INTS2: variants seen among roughly 807,000 people sequenced by gnomAD.
INTS2 encodes the protein integrator complex subunit 2.
INTS2 carries 57 observed loss-of-function variants against 139.6 expected under a neutral mutation model. The ratio of observed to expected loss-of-function variants is 0.41; its 90% CI spans 0.33 to 0.51. The LOEUF (loss-of-function observed/expected upper bound fraction) is 0.51. INTS2 is among the 20% of genes least tolerant of loss of function. The probability of loss-of-function intolerance (pLI) is 0.28; values close to 1 mark genes in which losing one functional copy is unlikely to be tolerated. For missense variants in INTS2, 1,196 were observed against 1,436.7 expected (o/e 0.83, Z 2.71); for synonymous variants, 473 against 493.4 (o/e 0.96, Z 0.55).
At chr17:61,880,984 G>A (rs756979375) in intron 17 of INTS2, 23 bp downstream of exon 17, 6 of 1,585,042 alleles carry the variant, frequency 3.8e-6, no homozygotes, top group Non-Finnish European at 5.2e-6. Flanking sequence ...AGGGGTTAAA[G>A]GAGTATCAAT....
At position 61,869,244 on chromosome 17, in the gene INTS2, T is replaced by C. The variant is rs368476847; in HGVS notation, c.3138+29A>G. On this transcript the variant is annotated intron_variant, in intron 22 of 24. Coordinates refer to ENST00000251334, the MANE Select transcript of INTS2 (RefSeq NM_001351695.2). This position sits in a 1 kb window ranked among gnomAD's most constrained non-coding sequence, Gnocchi z 5.4. ...TAGTAAGACTGGAGAGAGAGATCAA[T>C]TGTCCTAAAGCTCCAAAATGCTCAT... The C allele has an allele frequency of 6.6e-7, 1 of 1,515,186 alleles. No individual in the cohort carries two copies. Among genetic ancestry groups the C allele is most frequent in the African/African-American group, 1.4e-5 (1 of 72,588 alleles). The allele number at this position is 1,515,186 out of a possible 1,614,324, so 93.9% of individuals were successfully genotyped here.
rs771537725 is a variant in INTS2 at position 61,916,764 on chromosome 17, A to G, written c.649+2636T>C. ...GCAAAGAATTTATAGCCAAGTCCTC[A>G]AAAGCAATTGCAATGAAAACAAAAA... On this transcript the variant is annotated intron_variant, in intron 5 of 24. Transcript: ENST00000251334. Among the ~76,000 whole-genome samples the G allele has an allele frequency of 5.1e-4, 78 of 152,368 alleles. 2 individuals carry two copies. The highest frequency in any genetic ancestry group is 4.9e-4 in the Non-Finnish European group (33 of 68,036).
Position 61,893,940 on chromosome 17 carries a change from A to C in INTS2, c.1564-41T>G. Reference sequence around the variant, plus strand: ...AGCATTAGTAATATAATAGAACTAAATATAAAATTATTTTGAAAGAGAGAT... The same window carrying C: ...AGCATTAGTAATATAATAGAACTAACTATAAAATTATTTTGAAAGAGAGAT... On this transcript the variant is annotated intron_variant, in intron 12 of 24. Transcript: ENST00000251334. This position sits in a 1 kb window ranked among gnomAD's most constrained non-coding sequence, Gnocchi z 5.4. The C allele has an allele frequency of 7.3e-7, 1 of 1,371,896 alleles. No individual in the cohort carries two copies. The highest frequency in any genetic ancestry group is 9.9e-7 in the Non-Finnish European group (1 of 1,013,982). The allele number at this position is 1,371,896 out of a possible 1,614,324, so 85.0% of individuals were successfully genotyped here. A position where few individuals can be genotyped will look rare whatever the true frequency, so the allele number is the denominator to read the frequency against.
chr17:61,896,223 G>A (rs1367901359), intron 11 of INTS2, among the ~76,000 whole-genome samples: 6 of 124,212 alleles, frequency 4.8e-5, no homozygotes, highest in Admixed American at 3.1e-4. Context: ...CTGGGCGACA[G>A]AGCAAGACTC....
chr17:61,912,094 T>C (rs1381107420), intron 5 of INTS2, 24 bp from the exon 6 acceptor site: 2 of 1,607,290 alleles, frequency 1.2e-6, no homozygotes, highest in South Asian at 1.1e-5. Flanking sequence ...AACCATCTTC[T>C]TCAGCCTTCA....
intron 7 of INTS2, among the ~76,000 whole-genome samples, chr17:61,908,031 T>C (rs1051014351): frequency 2.0e-5 from 3 of 152,220 alleles, no homozygotes; most frequent in Non-Finnish European, 2.9e-5. Flanking sequence ...TTTAGGCACA[T>C]TGGTTAGCCT....
At chr17:61,883,492 G>A (rs575211973) in intron 16 of INTS2, among the ~76,000 whole-genome samples, 4 of 152,176 alleles carry the variant, frequency 2.6e-5, no homozygotes, top group South Asian at 2.1e-4. Flanking sequence ...AGTGGCTCAC[G>A]CCTGTAATCC....
Position 61,873,547 on chromosome 17 carries a change from T to C in INTS2, c.2583-1087A>G, listed in dbSNP as rs1278019253. 6.6e-6 allele frequency among the ~76,000 whole-genome samples: 1 copy of C among 152,202 alleles called. No homozygotes were observed. Among genetic ancestry groups the C allele is most frequent in the Non-Finnish European group, 1.5e-5 (1 of 68,030 alleles). On this transcript the variant is annotated intron_variant, in intron 19 of 24. Coordinates refer to ENST00000251334, the MANE Select transcript of INTS2 (RefSeq NM_001351695.2). This position sits in a 1 kb window ranked among gnomAD's most constrained non-coding sequence, Gnocchi z 4.0. ...ACCTATTTCAGTGGATTTTTAACAA[T>C]GATAAATCATTTTTTCAAGAAACAG...
At chr17:61,908,535 A>G (rs1465010433) in intron 7 of INTS2, among the ~76,000 whole-genome samples, 1 of 152,208 alleles carries the variant, frequency 6.6e-6, no homozygotes, top group Non-Finnish European at 1.5e-5. Flanking sequence ...GCAAGCACTC[A>G]AAGTCTGTTA....
intron 4 of INTS2, among the ~76,000 whole-genome samples, chr17:61,920,834 G>A (rs1180419984): frequency 6.6e-6 from 1 of 151,300 alleles, no homozygotes; most frequent in Non-Finnish European, 1.5e-5. Flanking sequence ...ACTCTGGACA[G>A]AGTGCAATGG....
chr17:61,870,945 G>C lies in INTS2; in HGVS notation c.2779-957C>G, dbSNP rs1431513120. On this transcript the variant is annotated intron_variant, in intron 20 of 24. Coordinates refer to ENST00000251334, the MANE Select transcript of INTS2 (RefSeq NM_001351695.2). The surrounding 1 kb of genome is among the most constrained non-coding windows in gnomAD (Gnocchi z 4.4). ...CATTTTCCTACTCTGTAAAAATGGA[G>C]ATAATACTCTATACCTCATAGGTAG... is the stretch of plus-strand genomic sequence containing the variant. 6.6e-6 allele frequency among the ~76,000 whole-genome samples: 1 copy of C among 152,096 alleles called. No individual in the cohort carries two copies. Among genetic ancestry groups the C allele is most frequent in the Non-Finnish European group, 1.5e-5 (1 of 68,026 alleles).
At chr17:61,881,344 C>T (rs2145913333) in intron 16 of INTS2, among the ~76,000 whole-genome samples, 173 bp from the exon 17 acceptor site, 1 of 152,278 alleles carries the variant, frequency 6.6e-6, no homozygotes. Flanking sequence ...TGCCTGTAAT[C>T]CCAGCACTTT....
intron 11 of INTS2, among the ~76,000 whole-genome samples, chr17:61,896,997 C>CAA (rs1323475837): frequency 1.3e-5 from 2 of 152,044 alleles, no homozygotes; most frequent in African/African-American, 4.8e-5. Context: ...AAGGACATTC[C>CAA]TCTAAGCATT....
chr17:61,871,743 G>T lies in INTS2; in HGVS notation c.2778+522C>A, dbSNP rs2079090341. Reference sequence around the variant, plus strand: ...CAAGTTAGGAGTTCAACACAAGCCTGGCAAACACAGCAAAACCCTGTCTCT... The same window carrying T: ...CAAGTTAGGAGTTCAACACAAGCCTTGCAAACACAGCAAAACCCTGTCTCT... On this transcript the variant is annotated intron_variant, in intron 20 of 24. Coordinates refer to ENST00000251334, the MANE Select transcript of INTS2 (RefSeq NM_001351695.2). The surrounding 1 kb of genome is among the most constrained non-coding windows in gnomAD (Gnocchi z 4.9). Among the ~76,000 whole-genome samples the T allele has an allele frequency of 1.3e-5, 2 of 152,020 alleles. No homozygotes were observed. Among genetic ancestry groups the T allele is most frequent in the Middle Eastern group, 3.4e-3 (1 of 294 alleles).
chr17:61,923,477 CAAAAAAAA>C (rs933124889), intron 3 of INTS2, among the ~76,000 whole-genome samples: 3 of 30,680 alleles, frequency 9.8e-5, no homozygotes, highest in African/African-American at 1.3e-4. Flanking sequence ...ACTCTGTCTC[CAAAAAAAA>C]AAAAAAAAAA....
At chr17:61,925,704 A>C (rs999273668) in intron 2 of INTS2, among the ~76,000 whole-genome samples, 2 of 151,910 alleles carry the variant, frequency 1.3e-5, no homozygotes, top group Non-Finnish European at 2.9e-5. Context: ...ACCTGCCCAG[A>C]ATCTTTGGGA....
At chr17:61,906,518 C>T (rs1009584109) in intron 8 of INTS2, among the ~76,000 whole-genome samples, 7 of 152,136 alleles carry the variant, frequency 4.6e-5, no homozygotes, top group Non-Finnish European at 1.0e-4. Context: ...AAACTCTATA[C>T]AATTAACTGG....
chr17:61,921,070 C>T (rs1008253557), intron 4 of INTS2, among the ~76,000 whole-genome samples: 4 of 152,208 alleles, frequency 2.6e-5, no homozygotes, highest in South Asian at 2.1e-4. Flanking sequence ...CAGGCATGAG[C>T]GACAGCCTTC....
Position 61,874,921 on chromosome 17 carries a change from C to A in INTS2, c.2574G>T (p.Arg858Ser). 6.3e-7 allele frequency: 1 copy of A among 1,588,344 alleles called. No individual in the cohort carries two copies. The highest frequency in any genetic ancestry group is 1.2e-5 in the South Asian group (1 of 86,512). The change falls in exon 19 of 25, where the codon AGG becomes AGT. Residue 858 changes from arginine (R) to serine (S), a missense_variant. Physicochemically the swap from Arg to Ser is moderately radical, Grantham distance 110. This residue lies in a region of INTS2 where 1,129 missense variants were observed against 1,341.9 expected (regional missense o/e 0.84). Transcript: ENST00000251334. ...DPLIVLRCDQ[R>S]VHRCPPLMDI... ...ACTCAAATGACATGTACCTGTGAAC[C>A]CTCTGATCACACCTTAGGACAATGA...
Sources: gnomAD v4.1 joint callset for allele counts (sites outside exome capture counted in the v4.1 genomes callset) on GRCh38, gnomAD v4.1.1 for gene constraint, gnomAD v4.1.1 regional missense constraint, Gnocchi (gnomAD v3.1) non-coding constraint, MANE v1.5 for transcripts, NCBI Gene and HGNC (gene_info 2026-07-23, HGNC 2026-07-21) for gene names.